Variants in C16orf78 observed in about 807,000 individuals in gnomAD.
C16orf78 encodes chromosome 16 open reading frame 78.
Under a neutral mutation model 27.3 loss-of-function variants are expected in C16orf78, and 19 were observed. The observed-to-expected ratio is 0.70, with a 90% CI of 0.49 to 1.02. The LOEUF (loss-of-function observed/expected upper bound fraction) is 1.02, where lower values mean the gene tolerates loss of function less well. Ranked by LOEUF, C16orf78 falls within the 50% of genes least tolerant of loss-of-function variation. C16orf78 has a pLI of 0.00. For missense variants in C16orf78, 339 were observed against 337.0 expected (o/e 1.01, Z -0.05); for synonymous variants, 130 against 116.1 (o/e 1.12, Z -0.77).
intron 2 of C16orf78, 59 bp from the exon 3 acceptor site, chr16:49,378,411 C>T (rs1047205354): frequency 2.2e-5 from 33 of 1,532,446 alleles, no homozygotes; most frequent in South Asian, 6.1e-5. Flanking sequence ...TGGGATGGAG[C>T]GGGGAGGGCG....
chr16:49,396,219 CCA>C (rs879602959), intron 3 of C16orf78, among the ~76,000 whole-genome samples: 5 of 151,992 alleles, frequency 3.3e-5, no homozygotes, highest in Admixed American at 3.3e-4. Context: ...CCAGCCTGGG[CCA>C]CAGAGTGAGG....
Position 49,373,823 on chromosome 16 carries a change from C to A in C16orf78, c.-117C>A, listed in dbSNP as rs1965183320. 3.1e-6 allele frequency: 4 copies of A among 1,292,296 alleles called. No homozygotes were observed. In the South Asian group the frequency reaches 5.6e-5, roughly 18 times the overall value. 80.1% of individuals were successfully genotyped at this position (1,292,296 alleles called of 1,614,324 possible). A position where few individuals can be genotyped will look rare whatever the true frequency, so the allele number is the denominator to read the frequency against. On this transcript the variant is annotated 5_prime_UTR_variant, in exon 1 of 5. Transcript: ENST00000299191. ...TGGCTCACTCTGCCCTTTATGTTCA[C>A]ATCTGGAGGCCACACCCTACCTTCT...
intron 3 of C16orf78, among the ~76,000 whole-genome samples, chr16:49,396,216 G>A (rs945255048): frequency 3.7e-4 from 56 of 152,138 alleles, no homozygotes; most frequent in Admixed American, 1.3e-4. Context: ...TGTCCAGCCT[G>A]GGCCACAGAG....
chr16:49,397,559 T>C (rs975601503), intron 4 of C16orf78, among the ~76,000 whole-genome samples: 2 of 152,128 alleles, frequency 1.3e-5, no homozygotes, highest in Non-Finnish European at 2.9e-5. Context: ...GCTGGTTCCA[T>C]GGGTGGATGA....
At chr16:49,379,879 T>C (rs1331643519) in intron 3 of C16orf78, among the ~76,000 whole-genome samples, 2 of 152,192 alleles carry the variant, frequency 1.3e-5, no homozygotes, top group Non-Finnish European at 2.9e-5. Flanking sequence ...TGTGAGGGTG[T>C]TGCCAAAGCA....
At chr16:49,395,715 G>A (rs764189792) in intron 3 of C16orf78, among the ~76,000 whole-genome samples, 18 of 152,090 alleles carry the variant, frequency 1.2e-4, no homozygotes, top group Admixed American at 4.6e-4. Context: ...ACTGATCAAC[G>A]ATTCGCCCTT....
In C16orf78 at chr16:49,377,793, C is replaced by CAA; in HGVS notation, c.215_216dup (p.Gly73LysfsTer4). The stretch of plus-strand genomic sequence containing the variant: ...ATAAGAAGAAGGAAGAGAAGAAAGG[C>CAA]AAAGGCCTCATGACAGCACGGGGAG... On this transcript the variant is annotated frameshift_variant, in exon 2 of 5. Coordinates refer to ENST00000299191, the MANE Select transcript of C16orf78 (RefSeq NM_144602.4). LOFTEE classifies it high-confidence loss of function. 6.3e-7 allele frequency: 1 copy of CAA among 1,596,006 alleles called. No homozygotes were observed. Among genetic ancestry groups the CAA allele is most frequent in the Non-Finnish European group, 8.5e-7 (1 of 1,170,824 alleles).
At chr16:49,387,237 A>T (rs1455363456) in intron 3 of C16orf78, among the ~76,000 whole-genome samples, 1 of 151,946 alleles carries the variant, frequency 6.6e-6, no homozygotes, top group Non-Finnish European at 1.5e-5. Context: ...TGTTGGCTGC[A>T]TGTATGTATG....
intron 3 of C16orf78, among the ~76,000 whole-genome samples, chr16:49,387,067 T>A (rs1481728751): frequency 6.6e-6 from 1 of 152,248 alleles, no homozygotes; most frequent in Non-Finnish European, 1.5e-5. Context: ...TGATTAGCAG[T>A]GCATAAGTGT....
intron 4 of C16orf78, among the ~76,000 whole-genome samples, chr16:49,398,568 C>T (rs1380698363): frequency 6.6e-6 from 1 of 152,194 alleles, no homozygotes; most frequent in Non-Finnish European, 1.5e-5. Context: ...GGCCCATGAC[C>T]TCTCTCAGTG....
At chr16:49,383,411 C>T (rs1469646417) in intron 3 of C16orf78, among the ~76,000 whole-genome samples, 3 of 152,206 alleles carry the variant, frequency 2.0e-5, no homozygotes, top group Non-Finnish European at 2.9e-5. Flanking sequence ...AAGCACATCC[C>T]GATTGCATTA....
chr16:49,398,735 A>G (rs998627465), intron 4 of C16orf78, among the ~76,000 whole-genome samples: 3 of 152,202 alleles, frequency 2.0e-5, no homozygotes, highest in Admixed American at 2.0e-4. Context: ...GTCCATTATC[A>G]GATTGACCAA....
intron 3 of C16orf78, among the ~76,000 whole-genome samples, chr16:49,379,470 C>G (rs117329324): frequency 0.031 from 4,700 of 151,540 alleles, 124 homozygotes; most frequent in Middle Eastern, 0.054. Flanking sequence ...AAAATTGCCC[C>G]CATTGTACCC....
In C16orf78 at chr16:49,387,118, G is replaced by T. The variant is rs184601054; in HGVS notation, c.394+8525G>T. ...ACCTTACCAGCATCTGTTATTTTTT[G>T]ACTTTTTAATAATAGCCATTCTGAC... On this transcript the variant is annotated intron_variant, in intron 3 of 4. Coordinates refer to ENST00000299191, the MANE Select transcript of C16orf78 (RefSeq NM_144602.4). Among the ~76,000 whole-genome samples, 181 of 152,152 alleles carry T rather than the reference G, an allele frequency of 1.2e-3. 1 individual carries two copies. The highest frequency in any genetic ancestry group is 3.4e-3 in the African/African-American group (140 of 41,510).
intron 3 of C16orf78, among the ~76,000 whole-genome samples, chr16:49,389,478 C>T (rs1438637929): frequency 1.3e-5 from 2 of 151,548 alleles, no homozygotes; most frequent in Non-Finnish European, 2.9e-5. Flanking sequence ...CACCTGTAAT[C>T]CCAGCTACTC....
Position 49,391,546 on chromosome 16 carries a change from C to T in C16orf78, c.395-4877C>T, listed in dbSNP as rs146904926. Among the ~76,000 whole-genome samples, 39 of 152,236 alleles carry T rather than the reference C, an allele frequency of 2.6e-4. 1 individual carries two copies. In the South Asian group the frequency reaches 2.9e-3, roughly 11 times the overall value. ...CTCTGACAATGTGGGCTCATGTCCT[C>T]GGTTCACCACTAATAATCTGTGGCA... On this transcript the variant is annotated intron_variant, in intron 3 of 4. Coordinates refer to ENST00000299191, the MANE Select transcript of C16orf78 (RefSeq NM_144602.4).
intron 3 of C16orf78, among the ~76,000 whole-genome samples, chr16:49,394,478 GC>G (rs1031472658): frequency 3.9e-5 from 5 of 127,338 alleles, no homozygotes; most frequent in Admixed American, 7.0e-5. Context: ...TCAGTTGATG[GC>G]AAAAAAAAAG....
chr16:49,378,383 T>C, intron 2 of C16orf78, 87 bp from the exon 3 acceptor site: 1 of 1,501,174 alleles, frequency 6.7e-7, no homozygotes. Context: ...TGGCAAACCC[T>C]TGAAATTGCT....
chr16:49,381,295 C>T (rs959567984), intron 3 of C16orf78, among the ~76,000 whole-genome samples: 21 of 152,120 alleles, frequency 1.4e-4, no homozygotes, highest in African/African-American at 5.1e-4. Context: ...TGTTTGTATC[C>T]TCTTTTATTT....
Sources: gnomAD v4.1 joint callset for allele counts (sites outside exome capture counted in the v4.1 genomes callset) on GRCh38, gnomAD v4.1.1 for gene constraint, MANE v1.5 for transcripts, NCBI Gene and HGNC (gene_info 2026-07-23, HGNC 2026-07-21) for gene names.